SMAD1: variants seen among roughly 807,000 people sequenced by gnomAD.
The protein encoded by SMAD1 is SMAD family member 1.
SMAD1 carries 6 observed loss-of-function variants against 41.6 expected under a neutral mutation model. The observed-to-expected ratio is 0.14, with a 90% CI of 0.08 to 0.28. The LOEUF is 0.28. Ranked by LOEUF, SMAD1 falls within the 10% of genes least tolerant of loss-of-function variation. The probability of loss-of-function intolerance (pLI) is 1.00; values close to 1 mark genes in which losing one functional copy is unlikely to be tolerated. For missense variants in SMAD1, 379 were observed against 582.6 expected, an observed-to-expected ratio of 0.65 and a Z score of 3.60; for synonymous variants, 206 against 203.2, an observed-to-expected ratio of 1.01 and a Z score of -0.12.
intron 4 of SMAD1, among the ~76,000 whole-genome samples, chr4:145,543,680 A>T (rs565822900): frequency 2.4e-4 from 36 of 152,306 alleles, no homozygotes; most frequent in Admixed American, 2.1e-3. Context: ...AGCTCTACAT[A>T]GGCAAGTAGG....
chr4:145,519,864 A>G (rs1041755709), intron 2 of SMAD1, among the ~76,000 whole-genome samples: 3 of 152,046 alleles, frequency 2.0e-5, no homozygotes, highest in Non-Finnish European at 4.4e-5. Flanking sequence ...TTATGAGTCT[A>G]TTTTAGATTC....
At chr4:145,500,282 C>A (rs1446120287) in intron 1 of SMAD1, among the ~76,000 whole-genome samples, 1 of 152,076 alleles carries the variant, frequency 6.6e-6, no homozygotes, top group East Asian at 1.9e-4. Context: ...GCTCAGATCT[C>A]CCAGTGTTTC....
At chr4:145,530,608 A>G (rs1195101207) in intron 2 of SMAD1, among the ~76,000 whole-genome samples, 5 of 152,178 alleles carry the variant, frequency 3.3e-5, no homozygotes, top group East Asian at 1.9e-4. Context: ...TCATTTATCT[A>G]TGTCAAATTA....
rs934897276 is a variant in SMAD1 at position 145,548,613 on chromosome 4, A to G, written c.997+1689A>G. Among the ~76,000 whole-genome samples, 5 of 152,198 alleles carry G rather than the reference A, an allele frequency of 3.3e-5. No individual in the cohort carries two copies. The East Asian group carries it at 9.6e-4, about 29-fold the overall frequency. ...TCATAATAAATAGATAGATAAGTGA[A>G]TGGGGAAGGCTGGTTGATAAATGTA... On this transcript the variant is annotated intron_variant, in intron 5 of 6. Transcript: ENST00000302085.
intron 1 of SMAD1, among the ~76,000 whole-genome samples, chr4:145,503,422 C>T (rs17797805): frequency 0.052 from 7,836 of 152,136 alleles, 248 homozygotes; most frequent in South Asian, 0.081. Context: ...TTATGAAGTA[C>T]GTTAGCATCA....
At chr4:145,503,106 A>C (rs1354124364) in intron 1 of SMAD1, 1 of 152,242 alleles carries the variant, frequency 6.6e-6, no homozygotes, top group Non-Finnish European at 1.5e-5. Flanking sequence ...AGTCTCCGGC[A>C]AAAATAAATT....
intron 1 of SMAD1, among the ~76,000 whole-genome samples, chr4:145,499,708 T>C (rs756755379): frequency 9.2e-5 from 14 of 152,196 alleles, no homozygotes; most frequent in Non-Finnish European, 1.2e-4. Context: ...CCCCAAGATA[T>C]CTCATTTTAT....
chr4:145,530,932 C>G (rs1191460916), intron 2 of SMAD1, among the ~76,000 whole-genome samples: 1 of 152,222 alleles, frequency 6.6e-6, no homozygotes, highest in African/African-American at 2.4e-5. Flanking sequence ...ACCTGTAAAA[C>G]AGAGATAACT....
intron 1 of SMAD1, among the ~76,000 whole-genome samples, chr4:145,504,596 G>A (rs918985541): frequency 5.3e-5 from 8 of 152,066 alleles, no homozygotes; most frequent in Admixed American, 4.6e-4. Context: ...GTTTTTTAGG[G>A]GTACTATTTC....
In SMAD1 at chr4:145,523,635, C is replaced by T. The variant is rs554453044; in HGVS notation, c.400+8622C>T. The stretch of plus-strand genomic sequence containing the variant: ...TTGTAATCCTAGTTTGCATGTTTCT[C>T]GTAATAGTTTTGGTGTAGGGGAGAG... On this transcript the variant is annotated intron_variant, in intron 2 of 6. Transcript: ENST00000302085. Among the ~76,000 whole-genome samples, 7 of 152,082 alleles carry T rather than the reference C, an allele frequency of 4.6e-5. No homozygotes were observed. In the South Asian group the frequency reaches 1.0e-3, roughly 23 times the overall value.
chr4:145,515,430 T>C (rs1730329675), intron 2 of SMAD1, among the ~76,000 whole-genome samples: 1 of 152,256 alleles, frequency 6.6e-6, no homozygotes, highest in African/African-American at 2.4e-5. Context: ...AATGCATTAT[T>C]GCTGTCTATA....
At chr4:145,485,538 G>A (rs1429192436) in intron 1 of SMAD1, among the ~76,000 whole-genome samples, 3 of 152,194 alleles carry the variant, frequency 2.0e-5, no homozygotes, top group Non-Finnish European at 4.4e-5. Flanking sequence ...GCTAGCCATT[G>A]CTGCCCCAGG....
intron 2 of SMAD1, among the ~76,000 whole-genome samples, chr4:145,516,205 A>G (rs550623672): frequency 6.6e-6 from 1 of 152,224 alleles, no homozygotes; most frequent in South Asian, 2.1e-4. Context: ...ATGTTTTTAT[A>G]CTGTTATTAC....
At chr4:145,493,683 G>T (rs1007722890) in intron 1 of SMAD1, among the ~76,000 whole-genome samples, 4 of 152,194 alleles carry the variant, frequency 2.6e-5, no homozygotes, top group Admixed American at 6.5e-5. Context: ...TTTAAAAGGG[G>T]TGTGTCCTCA....
At chr4:145,513,109 T>TTTAGCCTC (rs1311002739) in intron 1 of SMAD1, 1 of 152,266 alleles carries the variant, frequency 6.6e-6, no homozygotes, top group African/African-American at 2.4e-5. Context: ...CTGCTTAGTT[T>TTTAGCCTC]TTAGCCTCTT....
intron 1 of SMAD1, among the ~76,000 whole-genome samples, chr4:145,496,543 C>T (rs1030396612): frequency 1.4e-4 from 21 of 152,148 alleles, no homozygotes; most frequent in Non-Finnish European, 2.9e-5. Context: ...GTTCGAACCG[C>T]AGGAGTCCAC....
At chr4:145,534,915 C>A (rs1731528643) in intron 2 of SMAD1, among the ~76,000 whole-genome samples, 1 of 150,916 alleles carries the variant, frequency 6.6e-6, no homozygotes, top group Non-Finnish European at 1.5e-5. Context: ...AATGTGCCTA[C>A]CAAAAAATAT....
rs900756131 is a variant in SMAD1, at chr4:145,514,268, T to A, written c.-176-170T>A. Among the ~76,000 whole-genome samples the A allele has an allele frequency of 6.6e-6, 1 of 152,134 alleles. No individual in the cohort carries two copies. The highest frequency in any genetic ancestry group is 1.5e-5 in the Non-Finnish European group (1 of 68,006). ...TTAGAGGCTCCATCTCCAAATATAG[T>A]CATACTGAGAGTTAGGGCTTCCGCA... On this transcript the variant is annotated intron_variant, in intron 1 of 6. Coordinates refer to ENST00000302085, the MANE Select transcript of SMAD1 (RefSeq NM_005900.3). The surrounding 1 kb of genome is among the most constrained non-coding windows in gnomAD (Gnocchi z 4.7).
chr4:145,526,891 C>G (rs1414929114), intron 2 of SMAD1, among the ~76,000 whole-genome samples: 2 of 152,040 alleles, frequency 1.3e-5, no homozygotes, highest in East Asian at 1.9e-4. Flanking sequence ...GTCATTTGTC[C>G]TCTTTGAGCT....
Sources: allele counts gnomAD v4.1 joint callset (sites outside exome capture counted in the v4.1 genomes callset), GRCh38; gene constraint gnomAD v4.1.1; non-coding constraint Gnocchi (gnomAD v3.1); transcripts MANE v1.5; gene names NCBI Gene and HGNC (gene_info 2026-07-23, HGNC 2026-07-21).